PPP2R2D: variants seen among roughly 807,000 people sequenced by gnomAD.
PPP2R2D encodes the protein serine/threonine-protein phosphatase 2A 55 kDa regulatory subunit B delta isoform.
Under a neutral mutation model 31.1 loss-of-function variants are expected in PPP2R2D, and 9 were observed. The observed-to-expected ratio is 0.29, with a 90% confidence interval of 0.17 to 0.51. The LOEUF (loss-of-function observed/expected upper bound fraction) is 0.51, where lower values mean the gene tolerates loss of function less well. Ranked by LOEUF, PPP2R2D falls within the 20% of genes least tolerant of loss-of-function variation. The pLI is 0.98. For synonymous variants in PPP2R2D, 179 were observed against 172.6 expected, an observed-to-expected ratio of 1.04 and a Z score of -0.29; for missense variants, 391 against 465.6, an observed-to-expected ratio of 0.84 and a Z score of 1.48.
intron 2 of PPP2R2D, among the ~76,000 whole-genome samples, chr10:131,920,634 T>G (rs1589934420): frequency 1.3e-5 from 2 of 152,318 alleles, no homozygotes; most frequent in Non-Finnish European, 2.9e-5. Flanking sequence ...TTTTGTTTAT[T>G]TAAAAAATTA....
intron 5 of PPP2R2D, 52 bp downstream of exon 5, chr10:131,940,746 G>A (rs1233978854): frequency 3.7e-5 from 27 of 724,182 alleles, no homozygotes; most frequent in South Asian, 2.6e-4. Flanking sequence ...AAGAATAAAC[G>A]TTTCAGTCTG....
chr10:131,914,047 C>T (rs1385427201), intron 2 of PPP2R2D, among the ~76,000 whole-genome samples: 2 of 152,172 alleles, frequency 1.3e-5, no homozygotes, highest in African/African-American at 4.8e-5. Context: ...AGTCACCATA[C>T]CTGCCTGAAA....
rs2036565184 is a variant in PPP2R2D, at chr10:131,947,611, A to C, written c.902A>C (p.His301Pro). ...TCCATATCCGATGTAAAATTCAGTC[A>C]TAGTGGGCGGTACATGATGACCAGA... ...ISSISDVKFS[H>P]SGRYMMTRDY... The change falls in exon 8 of 9, where the codon CAT (histidine) becomes CCT (proline). Residue 301 changes from histidine to proline, a missense_variant. His to Pro is a moderately conservative substitution (Grantham distance 77). Transcript: ENST00000455566. The surrounding 1 kb of genome is among the most constrained non-coding windows in gnomAD (Gnocchi z 4.3). The C allele has an allele frequency of 6.2e-7, 1 of 1,614,108 alleles. No homozygotes were observed. Among genetic ancestry groups the C allele is most frequent in the Non-Finnish European group, 8.5e-7 (1 of 1,180,050 alleles).
intron 6 of PPP2R2D, among the ~76,000 whole-genome samples, chr10:131,944,751 A>G (rs1358991534): frequency 2.6e-5 from 4 of 152,098 alleles, no homozygotes; most frequent in African/African-American, 9.7e-5. Context: ...TGAAGGGTGA[A>G]ACTGGGACTG....
intron 2 of PPP2R2D, among the ~76,000 whole-genome samples, chr10:131,912,993 AAGTC>A (rs1373872643): frequency 5.9e-5 from 9 of 152,124 alleles, no homozygotes; most frequent in African/African-American, 1.9e-4. Flanking sequence ...GAACTTAAAA[AAGTC>A]AGTCTGTAAA....
chr10:131,919,144 G>C lies in PPP2R2D; in HGVS notation c.101-15314G>C, dbSNP rs1289819639. On this transcript the variant is annotated intron_variant, in intron 2 of 8. Transcript: ENST00000455566. The stretch of plus-strand genomic sequence containing the variant: ...TGTAGGGACCTCAGGCGGGTGGAAT[G>C]ACACAGTGTAGGGATCTCACGTGGG... Among the ~76,000 whole-genome samples, 14 of 129,872 alleles carry C rather than the reference G, an allele frequency of 1.1e-4. 2 individuals carry two copies. The highest frequency in any genetic ancestry group is 2.1e-4 in the Non-Finnish European group (13 of 60,878). 85.2% of individuals were successfully genotyped at this position (129,872 alleles called of 152,430 possible). A position where few individuals can be genotyped will look rare whatever the true frequency, so the allele number is the denominator to read the frequency against.
chr10:131,938,930 G>T lies in PPP2R2D; in HGVS notation c.199-1101G>T, dbSNP rs573408464. 5.9e-5 allele frequency among the ~76,000 whole-genome samples: 9 copies of T among 152,346 alleles called. No individual in the cohort carries two copies. The East Asian group carries it at 1.7e-3, about 29-fold the overall frequency. ...ACTCAGCAGACACTTTCTCTCCAGG[G>T]CCAGATTGCAAACATTTTTGCCTCT... On this transcript the variant is annotated intron_variant, in intron 3 of 8. Coordinates refer to ENST00000455566, the MANE Select transcript of PPP2R2D (RefSeq NM_018461.5).
chr10:131,903,465 TCA>T (rs1491390662), intron 2 of PPP2R2D, among the ~76,000 whole-genome samples: 1 of 43,550 alleles, frequency 2.3e-5, no homozygotes, highest in East Asian at 5.1e-4. Flanking sequence ...AGGCTCCATC[TCA>T]AAAAAAAAAA....
chr10:131,968,469 T>C, the PPP2R2D span: 2 of 1,419,208 alleles, frequency 1.4e-6, no homozygotes, highest in Non-Finnish European at 2.0e-6. Context: ...CAGTGAGCTA[T>C]GTTGCAAGCT....
At position 131,950,831 on chromosome 10, in the gene PPP2R2D, C is replaced by G. The variant is rs1554898698; in HGVS notation, c.1082+3040C>G. ...AAATAAGCTCTGAGTGTTTCTAAGC[C>G]TAAGACATCTTTGTGAGCTCTGGAA... On this transcript the variant is annotated intron_variant, in intron 8 of 8. Transcript: ENST00000455566. 2.0e-5 allele frequency among the ~76,000 whole-genome samples: 3 copies of G among 152,120 alleles called. No homozygotes were observed. In the South Asian group the frequency reaches 6.2e-4, roughly 32 times the overall value.
the PPP2R2D span, among the ~76,000 whole-genome samples, chr10:131,965,896 T>TGAGTGGCATGAGTG: frequency 3.9e-5 from 6 of 152,210 alleles, no homozygotes; most frequent in African/African-American, 1.4e-4. Context: ...TTCCCCTTGG[T>TGAGTGGCATGAGTG]GCATGAGTGG....
the PPP2R2D span, chr10:131,968,416 A>C: frequency 2.0e-5 from 18 of 895,986 alleles, no homozygotes; most frequent in East Asian, 4.0e-4. Context: ...TACAGAACAA[A>C]TAAACACAAG....
intron 2 of PPP2R2D, among the ~76,000 whole-genome samples, chr10:131,920,916 A>G (rs2119816798): frequency 6.6e-6 from 1 of 152,360 alleles, no homozygotes; most frequent in East Asian, 1.9e-4. Context: ...TGGGCAACAT[A>G]GCGAGACCCT....
At chr10:131,953,926 G>A (rs1241386750) in intron 8 of PPP2R2D, among the ~76,000 whole-genome samples, 1 of 152,144 alleles carries the variant, frequency 6.6e-6, no homozygotes, top group Non-Finnish European at 1.5e-5. Context: ...CATTTGCTTA[G>A]TCCATTCACT....
rs79958098 is a variant in PPP2R2D, at chr10:131,941,841, T to C, written c.477+1147T>C. Among the ~76,000 whole-genome samples, 913 of 152,262 alleles carry C rather than the reference T, an allele frequency of 6.0e-3. 17 individuals carry two copies. Among genetic ancestry groups the C allele is most frequent in the African/African-American group, 0.021 (854 of 41,528 alleles). On this transcript the variant is annotated intron_variant, in intron 5 of 8. Coordinates refer to ENST00000455566, the MANE Select transcript of PPP2R2D (RefSeq NM_018461.5). ...AGTGTCCTCAGACTTCTCACATCGA[T>C]GTTGTCACCGTATTTCCTATGAGTT...
In PPP2R2D at chr10:131,906,802, A is replaced by G. The variant is rs1166852809; in HGVS notation, c.100+5472A>G. ...AAGAAATTCGGGACGTTTGCCAGGT[A>G]TGGTAGTACACACCTGTAGTCCCAG... On this transcript the variant is annotated intron_variant, in intron 2 of 8. Coordinates refer to ENST00000455566, the MANE Select transcript of PPP2R2D (RefSeq NM_018461.5). 7.5e-4 allele frequency among the ~76,000 whole-genome samples: 113 copies of G among 151,038 alleles called. 1 individual carries two copies. The highest frequency in any genetic ancestry group is 2.1e-4 in the Non-Finnish European group (14 of 67,818).
rs1013781570 is a variant in PPP2R2D, at chr10:131,911,496, A to C, written c.100+10166A>C. The C allele has an allele frequency of 5.0e-4, 76 of 152,400 alleles. 2 individuals carry two copies. Among genetic ancestry groups the C allele is most frequent in the African/African-American group, 1.6e-3 (66 of 41,596 alleles). 9.4% of individuals were successfully genotyped at this position (152,400 alleles called of 1,614,324 possible). A position where few individuals can be genotyped will look rare whatever the true frequency, so the allele number is the denominator to read the frequency against. Reference sequence around the variant, plus strand: ...AAGTGGTGAATTATTTTAACTGTTCATCAGGGAATAAGCTAAGCAAAACTG... The same window carrying C: ...AAGTGGTGAATTATTTTAACTGTTCCTCAGGGAATAAGCTAAGCAAAACTG... On this transcript the variant is annotated intron_variant, in intron 2 of 8. Transcript: ENST00000455566.
intron 2 of PPP2R2D, among the ~76,000 whole-genome samples, chr10:131,907,568 G>A (rs1300413373): frequency 2.0e-5 from 3 of 151,938 alleles, no homozygotes; most frequent in Admixed American, 6.6e-5. Flanking sequence ...GTGAAACCCC[G>A]TCTCTACTAA....
chr10:131,912,850 A>T (rs2035706321), intron 2 of PPP2R2D, among the ~76,000 whole-genome samples: 1 of 152,114 alleles, frequency 6.6e-6, no homozygotes, highest in African/African-American at 2.4e-5. Context: ...AGTGCAGGAG[A>T]GTCTCGTCCA....
Sources: allele counts gnomAD v4.1 joint callset (sites outside exome capture counted in the v4.1 genomes callset), GRCh38; gene constraint gnomAD v4.1.1; non-coding constraint Gnocchi (gnomAD v3.1); transcripts MANE v1.5; gene names NCBI Gene and HGNC (gene_info 2026-07-23, HGNC 2026-07-21).